Variants in HS1BP3 observed in about 807,000 individuals in gnomAD.
The protein encoded by HS1BP3 is HCLS1-binding protein 3.
In HS1BP3, 32 loss-of-function variants were observed where a neutral mutation model predicts 33.5. That is an observed-to-expected ratio of 0.95 (90% CI 0.72 to 1.28). The LOEUF is 1.28. Ranked by LOEUF, HS1BP3 falls within the 50% of genes most tolerant of loss-of-function variation. HS1BP3 has a pLI of 0.00. For missense variants in HS1BP3, 486 were observed against 502.3 expected, an observed-to-expected ratio of 0.97 and a Z score of 0.31; for synonymous variants, 187 against 209.2, an observed-to-expected ratio of 0.89 and a Z score of 0.92.
downstream of HS1BP3, among the ~76,000 whole-genome samples, chr2:20,558,362 C>T (rs1184422882): frequency 2.0e-5 from 3 of 152,158 alleles, no homozygotes; most frequent in Non-Finnish European, 4.4e-5. Flanking sequence ...CTCTCTGCCT[C>T]CTGTTTGGAC....
At chr2:20,601,205 G>A (rs1041994692) in intron 2 of HS1BP3, among the ~76,000 whole-genome samples, 6 of 152,218 alleles carry the variant, frequency 3.9e-5, no homozygotes, top group African/African-American at 1.4e-4. Flanking sequence ...CTAAGCAGAA[G>A]AGTTTGTATC....
intron 6 of HS1BP3, among the ~76,000 whole-genome samples, chr2:20,621,078 T>A (rs1352520364): frequency 1.3e-5 from 2 of 152,306 alleles, no homozygotes; most frequent in East Asian, 3.9e-4. Flanking sequence ...GAGGTGGGAA[T>A]GAGAATGAAC....
chr2:20,581,960 A>T (rs1345313128), intron 5 of HS1BP3, among the ~76,000 whole-genome samples: 1 of 152,106 alleles, frequency 6.6e-6, no homozygotes, highest in African/African-American at 2.4e-5. Context: ...GAGGTACTCG[A>T]CTCAGGAAGA....
At chr2:20,619,295 C>G (rs974692972) in intron 6 of HS1BP3, 50 bp from the exon 7 acceptor site, 1 of 1,462,610 alleles carries the variant, frequency 6.8e-7, no homozygotes, top group Non-Finnish European at 9.2e-7. Context: ...CACCCCGTGA[C>G]AGGAACAAGA....
At chr2:20,588,895 C>G (rs561083364), downstream of HS1BP3, among the ~76,000 whole-genome samples, 1 of 152,294 alleles carries the variant, frequency 6.6e-6, no homozygotes, top group Non-Finnish European at 1.5e-5. Context: ...CTTCTGAGAG[C>G]CTGATTTCCC....
At chr2:20,587,433 G>A (rs1049595052) in intron 5 of HS1BP3, among the ~76,000 whole-genome samples, 1 of 152,198 alleles carries the variant, frequency 6.6e-6, no homozygotes, top group Admixed American at 6.5e-5. Context: ...CCTGAGGATG[G>A]TAGGGATGCC....
At position 20,638,436 on chromosome 2, in the gene HS1BP3, C is replaced by A; in HGVS notation, c.623G>T (p.Arg208Leu). The change falls in exon 4 of 7, where the codon CGC (arginine) becomes CTC (leucine). Residue 208 changes from arginine to leucine, a missense_variant and splice_region_variant. Arg to Leu is a moderately radical substitution (Grantham distance 102). Coordinates refer to ENST00000304031, the MANE Select transcript of HS1BP3 (RefSeq NM_022460.4). ...EEALDPLGIM[R>L]SKKPKKHPKV... ...GCCCTCTCAACAACAGGAGACCAAC[C>A]GCATAATGCCCAGAGGGTCCAGCGC... 1 of 1,613,738 alleles carries A rather than the reference C, an allele frequency of 6.2e-7. No homozygotes were observed. The highest frequency in any genetic ancestry group is 8.5e-7 in the Non-Finnish European group (1 of 1,179,728).
In HS1BP3 at chr2:20,638,464, C is replaced by T; in HGVS notation, c.595G>A (p.Glu199Lys). The T allele has an allele frequency of 6.2e-7, 1 of 1,614,132 alleles. No homozygotes were observed. Among genetic ancestry groups the T allele is most frequent in the Non-Finnish European group, 8.5e-7 (1 of 1,179,942 alleles). The change falls in exon 4 of 7, where the codon GAG becomes AAG. Residue 199 changes from glutamate (E) to lysine (K), a missense_variant. Glu to Lys is a moderately conservative substitution (Grantham distance 56, BLOSUM62 1). Transcript: ENST00000304031. ...ATAATGCCCAGAGGGTCCAGCGCCT[C>T]CTCCTCCTCCAAGGATTCCTCAGCA... ...EDAEESLEEE[E>K]ALDPLGIMRS...
At chr2:20,598,265 C>T (rs1482320509) in exon 3 of HS1BP3, 1 of 425,464 alleles carries the variant, frequency 2.4e-6, no homozygotes, top group Admixed American at 2.4e-5. Flanking sequence ...GATGGTCCCA[C>T]CTTCAGGGGA....
In HS1BP3 at chr2:20,624,050, AG is replaced by A. The variant is rs760822451; in HGVS notation, c.785-20del. ...TTCAGGGCTGTGGGAAGGCAGCAGC[AG>A]GGGGGTCAGAGGAAGCCTCTAGGCT... is the stretch of plus-strand genomic sequence containing the variant. On this transcript the variant is annotated intron_variant, in intron 5 of 6. Transcript: ENST00000304031. 3.1e-6 allele frequency: 5 copies of A among 1,609,516 alleles called. No individual in the cohort carries two copies. The South Asian group carries it at 4.4e-5, about 14-fold the overall frequency.
chr2:20,587,688 G>C (rs774754716), downstream of HS1BP3, among the ~76,000 whole-genome samples: 14 of 152,158 alleles, frequency 9.2e-5, no homozygotes, highest in Non-Finnish European at 1.5e-4. Context: ...AGAGCTTGCA[G>C]TGAGCTGAGA....
At chr2:20,558,198 AAGG>A (rs1371613313), downstream of HS1BP3, among the ~76,000 whole-genome samples, 1 of 152,126 alleles carries the variant, frequency 6.6e-6, no homozygotes, top group African/African-American at 2.4e-5. Flanking sequence ...GACAGTTCTG[AAGG>A]AGAAGAGGTG....
intron 6 of HS1BP3, among the ~76,000 whole-genome samples, chr2:20,620,495 T>C (rs187218005): frequency 6.6e-6 from 1 of 152,288 alleles, no homozygotes; most frequent in African/African-American, 2.4e-5. Flanking sequence ...AGCACCCACT[T>C]GGTCTCTACA....
intron 1 of HS1BP3, among the ~76,000 whole-genome samples, chr2:20,648,864 T>C (rs1327393839): frequency 6.6e-6 from 1 of 152,260 alleles, no homozygotes; most frequent in Non-Finnish European, 1.5e-5. Flanking sequence ...AGCCTCATTC[T>C]TCCAGCAGCT....
downstream of HS1BP3, among the ~76,000 whole-genome samples, chr2:20,588,905 C>T (rs1436748084): frequency 6.6e-6 from 1 of 152,216 alleles, no homozygotes; most frequent in Non-Finnish European, 1.5e-5. Flanking sequence ...CCTGATTTCC[C>T]CGGGGGAGGG....
chr2:20,645,153 G>C (rs150458968), intron 2 of HS1BP3, among the ~76,000 whole-genome samples, 187 bp downstream of exon 2: 1 of 152,128 alleles, frequency 6.6e-6, no homozygotes, highest in Non-Finnish European at 1.5e-5. Flanking sequence ...GCCTCTCCAC[G>C]GACTGAGAGC....
At chr2:20,558,983 G>A (rs374232168), downstream of HS1BP3, among the ~76,000 whole-genome samples, 65 of 152,334 alleles carry the variant, frequency 4.3e-4, no homozygotes, top group East Asian at 8.5e-3. Context: ...GTGCTGCATC[G>A]CAAGCTGGGC....
the HS1BP3 span, among the ~76,000 whole-genome samples, chr2:20,554,848 C>CA: frequency 1.3e-5 from 2 of 152,150 alleles, no homozygotes; most frequent in African/African-American, 2.4e-5. Flanking sequence ...TCTTTGCATA[C>CA]AAAAATATGA....
chr2:20,569,021 C>T (rs772979280), intron 5 of HS1BP3, among the ~76,000 whole-genome samples: 7 of 152,092 alleles, frequency 4.6e-5, no homozygotes, highest in South Asian at 2.1e-4. Context: ...TGGTCGACTT[C>T]GGGCACCAAT....
Sources: allele counts gnomAD v4.1 joint callset (sites outside exome capture counted in the v4.1 genomes callset), GRCh38; gene constraint gnomAD v4.1.1; transcripts MANE v1.5; gene names NCBI Gene and HGNC (gene_info 2026-07-23, HGNC 2026-07-21).